Variants in ERCC6L2 observed in about 807,000 individuals in gnomAD.
ERCC6L2 encodes the protein ERCC excision repair 6 like 2, also known as DNA excision repair protein ERCC-6-like 2.
Under a neutral mutation model 132.0 loss-of-function variants are expected in ERCC6L2, and 77 were observed. That is an observed-to-expected ratio of 0.58 (90% confidence interval 0.49 to 0.71). ERCC6L2 has a LOEUF of 0.71. ERCC6L2 is among the 30% of genes least tolerant of loss of function. The pLI is 0.00. For synonymous variants in ERCC6L2, 583 were observed against 632.4 expected (o/e 0.92, Z 1.17); for missense variants, 1,542 against 1,837.6 (o/e 0.84, Z 2.94).
chr9:96,021,105 C>A (rs1172286955), downstream of ERCC6L2: 6 of 424,488 alleles, frequency 1.4e-5, no homozygotes, highest in Non-Finnish European at 2.8e-5. This position sits in a 1 kb window ranked among gnomAD's most constrained non-coding sequence, Gnocchi z 4.7. Flanking sequence ...TTCCCCCTCG[C>A]GCCCATTACT....
At chr9:95,905,251 A>T (rs1369589163) in intron 3 of ERCC6L2, 5 of 152,148 alleles carry the variant, frequency 3.3e-5, no homozygotes, top group Non-Finnish European at 5.9e-5. Context: ...CTTTCCCTGG[A>T]CTCTGCATAA....
intron 13 of ERCC6L2, among the ~76,000 whole-genome samples, chr9:95,959,740 A>T (rs1396393816): frequency 1.3e-5 from 2 of 152,218 alleles, no homozygotes; most frequent in African/African-American, 2.4e-5. Context: ...ACTTCTCAAA[A>T]AAAAATTATG....
At chr9:96,007,769 C>T (rs1426743905) in intron 18 of ERCC6L2, among the ~76,000 whole-genome samples, 1 of 152,048 alleles carries the variant, frequency 6.6e-6, no homozygotes, top group African/African-American at 2.4e-5. Flanking sequence ...TCAAGATGTA[C>T]AGTAGGAGGA....
At chr9:96,026,176 G>C (rs1292348318) in intron 19 of ERCC6L2, among the ~76,000 whole-genome samples, 1 of 152,224 alleles carries the variant, frequency 6.6e-6, no homozygotes, top group Non-Finnish European at 1.5e-5. Flanking sequence ...GGCAGGTCCT[G>C]GGAGTGCATG....
intron 11 of ERCC6L2, among the ~76,000 whole-genome samples, chr9:95,929,516 T>C (rs1830245312): frequency 6.6e-6 from 1 of 152,210 alleles, no homozygotes; most frequent in Non-Finnish European, 1.5e-5. Flanking sequence ...TCCCACTGTC[T>C]TTCAGAATTT....
At chr9:95,970,130 C>T (rs1047836754) in intron 14 of ERCC6L2, among the ~76,000 whole-genome samples, 4 of 151,998 alleles carry the variant, frequency 2.6e-5, no homozygotes, top group African/African-American at 9.7e-5. Context: ...TGAATATGAA[C>T]AATAAATATA....
At chr9:95,941,675 A>G in intron 12 of ERCC6L2, 126 bp downstream of exon 12, 1 of 674,922 alleles carries the variant, frequency 1.5e-6, no homozygotes, top group Non-Finnish European at 2.5e-6. Flanking sequence ...AAAAACGTAC[A>G]TTTAATATAA....
At chr9:96,000,767 C>T (rs930056937) in intron 17 of ERCC6L2, among the ~76,000 whole-genome samples, 15 of 152,204 alleles carry the variant, frequency 9.9e-5, no homozygotes, top group Non-Finnish European at 2.9e-5. Flanking sequence ...GGCGACATAG[C>T]AAGACCCCAT....
intron 17 of ERCC6L2, among the ~76,000 whole-genome samples, chr9:95,983,466 T>A (rs1443006331): frequency 2.0e-5 from 3 of 152,222 alleles, no homozygotes; most frequent in Non-Finnish European, 2.9e-5. Flanking sequence ...AAATAGTAGT[T>A]CTTCAAATAA....
chr9:95,937,058 G>A (rs1830589760), intron 11 of ERCC6L2, among the ~76,000 whole-genome samples: 1 of 152,114 alleles, frequency 6.6e-6, no homozygotes, highest in Admixed American at 6.6e-5. Flanking sequence ...CCAGTTTTCG[G>A]CTGTGACAGA....
chr9:95,909,765 G>C (rs1181510489), intron 4 of ERCC6L2, among the ~76,000 whole-genome samples: 2 of 152,090 alleles, frequency 1.3e-5, no homozygotes, highest in Non-Finnish European at 2.9e-5. Context: ...AGGCATATTT[G>C]TATGTAAGCC....
intron 17 of ERCC6L2, among the ~76,000 whole-genome samples, chr9:95,979,351 C>G (rs1345721142): frequency 1.3e-5 from 2 of 152,044 alleles, no homozygotes; most frequent in African/African-American, 4.8e-5. Flanking sequence ...GGAGGCACTC[C>G]CATATGCAAA....
At chr9:96,010,494 C>T (rs781737674) in intron 18 of ERCC6L2, among the ~76,000 whole-genome samples, 2 of 152,180 alleles carry the variant, frequency 1.3e-5, no homozygotes, top group African/African-American at 2.4e-5. Flanking sequence ...ACTTGGCCTA[C>T]GGACCCCCTA....
At chr9:95,913,866 T>A (rs1196378844) in intron 4 of ERCC6L2, among the ~76,000 whole-genome samples, 1 of 152,248 alleles carries the variant, frequency 6.6e-6, no homozygotes, top group African/African-American at 2.4e-5. Flanking sequence ...TGAATGGTAC[T>A]ATTATACAGC....
intron 19 of ERCC6L2, among the ~76,000 whole-genome samples, chr9:96,030,905 G>A (rs916178485): frequency 6.6e-6 from 1 of 152,168 alleles, no homozygotes; most frequent in Admixed American, 6.5e-5. Context: ...CCAAACCGCA[G>A]TGAAGCCTTT....
intron 18 of ERCC6L2, among the ~76,000 whole-genome samples, chr9:96,008,852 C>A (rs959509534): frequency 1.3e-5 from 2 of 152,212 alleles, no homozygotes; most frequent in Non-Finnish European, 2.9e-5. Flanking sequence ...CCTGGCTTGA[C>A]AGCTGAGAGT....
chr9:95,958,472 A>G (rs1444895361), intron 13 of ERCC6L2, among the ~76,000 whole-genome samples: 2 of 152,182 alleles, frequency 1.3e-5, no homozygotes, highest in African/African-American at 4.8e-5. Flanking sequence ...AGTCCCACCA[A>G]CAGTGTAAAA....
chr9:95,960,520 AGAG>A (rs1341221973), intron 13 of ERCC6L2, among the ~76,000 whole-genome samples: 1 of 152,166 alleles, frequency 6.6e-6, no homozygotes, highest in East Asian at 1.9e-4. Context: ...CACAGACAGA[AGAG>A]GAGAAGACAA....
chr9:95,964,555 G>A (rs960930347), intron 13 of ERCC6L2, among the ~76,000 whole-genome samples: 1 of 152,208 alleles, frequency 6.6e-6, no homozygotes, highest in Non-Finnish European at 1.5e-5. Context: ...GGAAGCAAAG[G>A]GTCAGAGAGA....
Sources: allele counts gnomAD v4.1 joint callset (sites outside exome capture counted in the v4.1 genomes callset), GRCh38; gene constraint gnomAD v4.1.1; non-coding constraint Gnocchi (gnomAD v3.1); transcripts MANE v1.5; gene names NCBI Gene and HGNC (gene_info 2026-07-23, HGNC 2026-07-21).